Variants in GALNS observed in about 807,000 individuals in gnomAD.
GALNS encodes galactosamine (N-acetyl)-6-sulfatase.
A neutral mutation model predicts 65.9 loss-of-function variants in GALNS; 65 were observed. The observed-to-expected ratio is 0.99, with a 90% CI of 0.81 to 1.21. GALNS has a LOEUF of 1.21. Among genes scored for constraint, GALNS ranks in the 50% most tolerant of loss-of-function variants. GALNS has a pLI of 0.00. For missense variants in GALNS, 776 were observed against 700.7 expected (o/e 1.11, Z -1.21); for synonymous variants, 346 against 288.9 (o/e 1.20, Z -2.00).
At chr16:88,825,224 G>C (rs1245809076) in intron 10 of GALNS, among the ~76,000 whole-genome samples, 1 of 131,418 alleles carries the variant, frequency 7.6e-6, no homozygotes, top group Admixed American at 7.2e-5. Context: ...GGGCGCCTGG[G>C]TGTCTGGGGC....
chr16:88,839,671 C>A (rs909287117), intron 4 of GALNS, among the ~76,000 whole-genome samples: 2 of 152,234 alleles, frequency 1.3e-5, no homozygotes, highest in Non-Finnish European at 2.9e-5. Flanking sequence ...GCTGTAGGAC[C>A]CAGCCCGGGC....
rs1017951924 is a variant in GALNS, at chr16:88,839,942, C to G, written c.422+1050G>C. Among the ~76,000 whole-genome samples, 3 of 152,244 alleles carry G rather than the reference C, an allele frequency of 2.0e-5. No homozygotes were observed. The South Asian group carries it at 6.2e-4, about 31-fold the overall frequency. On this transcript the variant is annotated intron_variant, in intron 4 of 13. Coordinates refer to ENST00000268695, the MANE Select transcript of GALNS (RefSeq NM_000512.5). Reference sequence around the variant, plus strand: ...GGGGCTTGTCACTTGGAGAGGCCACCGGCTCTTCCTCCTGTTGGCACAGTA... The same window carrying G: ...GGGGCTTGTCACTTGGAGAGGCCACGGGCTCTTCCTCCTGTTGGCACAGTA...
intron 5 of GALNS, among the ~76,000 whole-genome samples, chr16:88,837,217 T>C: frequency 6.6e-6 from 1 of 152,204 alleles, no homozygotes. Context: ...CTTTTGCTCC[T>C]GGTGTGGCTC....
intron 9 of GALNS, among the ~76,000 whole-genome samples, chr16:88,828,147 C>T (rs965342325): frequency 6.6e-6 from 1 of 152,244 alleles, no homozygotes; most frequent in Admixed American, 6.5e-5. Flanking sequence ...CAGGTCTGGT[C>T]AGCAGTGTCT....
At chr16:88,839,030 G>C (rs1003749894) in intron 4 of GALNS, 1 of 153,904 alleles carries the variant, frequency 6.5e-6, no homozygotes, top group Non-Finnish European at 1.5e-5. Context: ...TTCAGCACTT[G>C]GGCCCATTGC....
In GALNS at chr16:88,835,703, G is replaced by A. The variant is rs78317153; in HGVS notation, c.758+22C>T. ...AGCTGGGGCCTCCAGCGAGGTCTATGCTCCATGGAGCCAGGACTCACCGCC... is the reference window on the plus strand; with the variant it reads ...AGCTGGGGCCTCCAGCGAGGTCTATACTCCATGGAGCCAGGACTCACCGCC... On this transcript the variant is annotated intron_variant, in intron 7 of 13. Transcript: ENST00000268695. 0.055 allele frequency: 88,789 copies of A among 1,613,532 alleles called. 2,915 individuals carry two copies. The highest frequency in any genetic ancestry group is 0.11 in the Middle Eastern group (675 of 6,062).
chr16:88,828,587 C>G (rs145946416), intron 9 of GALNS, among the ~76,000 whole-genome samples: 2 of 152,212 alleles, frequency 1.3e-5, no homozygotes, highest in African/African-American at 4.8e-5. Flanking sequence ...TTGTGGCCCA[C>G]GGGAAAAGGC....
At chr16:88,848,461 G>A (rs975131392) in intron 1 of GALNS, among the ~76,000 whole-genome samples, 1 of 151,776 alleles carries the variant, frequency 6.6e-6, no homozygotes, top group South Asian at 2.1e-4. Flanking sequence ...GTGAAACCCC[G>A]TCTCTACCAA....
At chr16:88,820,452 T>C (rs1910088491) in intron 12 of GALNS, among the ~76,000 whole-genome samples, 1 of 152,200 alleles carries the variant, frequency 6.6e-6, no homozygotes, top group Admixed American at 6.5e-5. Flanking sequence ...TTAGAGAGGC[T>C]CCTGGCAAAG....
chr16:88,824,699 T>A lies in GALNS; in HGVS notation c.1242+68A>T, dbSNP rs759455679. The A allele has an allele frequency of 7.0e-5, 93 of 1,327,630 alleles. No homozygotes were observed. The Middle Eastern group carries it at 8.3e-4, about 12-fold the overall frequency. 82.2% of individuals were successfully genotyped at this position (1,327,630 alleles called of 1,614,324 possible). A position where few individuals can be genotyped will look rare whatever the true frequency, so the allele number is the denominator to read the frequency against. On this transcript the variant is annotated intron_variant, in intron 11 of 13. Transcript: ENST00000268695. ...CCCTCCTGTGCCTCCCCCAGGACGG[T>A]GCTCAGGGGCCACGTCTGGATAGAG...
chr16:88,850,266 G>A (rs1457664928), intron 1 of GALNS, among the ~76,000 whole-genome samples: 2 of 152,174 alleles, frequency 1.3e-5, no homozygotes, highest in Non-Finnish European at 2.9e-5. Context: ...CCGCACATCT[G>A]AATACTGGGT....
rs945242016 is a variant in GALNS at position 88,815,976 on chromosome 16, CT to C, written c.1483-1452del. The C allele has an allele frequency of 3.0e-6, 3 of 985,270 alleles. No homozygotes were observed. In the African/African-American group the frequency reaches 5.2e-5, roughly 17 times the overall value. 61.0% of individuals were successfully genotyped at this position (985,270 alleles called of 1,614,324 possible). ...ACTGAGCCCCTCTCCTGGGGCTGGC[CT>C]GGAGTTGGCGGGGACAGAGGGCAGG... On this transcript the variant is annotated intron_variant, in intron 13 of 13. Transcript: ENST00000268695.
chr16:88,842,753 C>T lies in GALNS; in HGVS notation c.197G>A (p.Gly66Glu). Reference protein sequence around the residue: ...TPNLDRMAAEGLLFPNFYSAN... With the variant: ...TPNLDRMAAEELLFPNFYSAN... ...AGAATAGAAGTTTGGGAAAAGCAGC[C>T]CTTCTGCAGCCATCCGGTCCAAATT... Residue 66 changes from glycine to glutamate, a missense_variant, in exon 2 of 14, where the codon GGG becomes GAG. Gly to Glu is a moderately conservative substitution (Grantham distance 98, BLOSUM62 -2). Transcript: ENST00000268695. 1 of 1,612,998 alleles carries T rather than the reference C, an allele frequency of 6.2e-7. No homozygotes were observed.
chr16:88,842,110 C>T, intron 2 of GALNS, 139 bp from the exon 3 acceptor site: 1 of 776,022 alleles, frequency 1.3e-6, no homozygotes, highest in Non-Finnish European at 2.3e-6. Context: ...CCACGCCTGT[C>T]AATCCCCGTT....
At chr16:88,840,302 A>C (rs1000571810) in intron 4 of GALNS, 1 of 154,018 alleles carries the variant, frequency 6.5e-6, no homozygotes, top group African/African-American at 2.4e-5. Context: ...TGGGGATCAC[A>C]GAGGCTGGGA....
chr16:88,856,825 C>T lies in GALNS; in HGVS notation c.53G>A (p.Ser18Asn). The change falls in exon 1 of 14, where the codon AGC (serine) becomes AAC (asparagine). Residue 18 changes from serine (S) to asparagine (N), a missense_variant. By Grantham distance (46) the Ser-to-Asn change is conservative. Transcript: ENST00000268695. The stretch of plus-strand genomic sequence containing the variant: ...GCCCGAGGCCCCCATCCCCGCGGCG[C>T]TGAGCACCAGCAACAGCTGCCACCA... ...TRWWQLLLVLSAAGMGASGAP... is the reference protein window; with the variant it reads ...TRWWQLLLVLNAAGMGASGAP... 4 of 1,529,702 alleles carry T rather than the reference C, an allele frequency of 2.6e-6. No individual in the cohort carries two copies. The highest frequency in any genetic ancestry group is 2.6e-6 in the Non-Finnish European group (3 of 1,148,162). The allele number at this position is 1,529,702 out of a possible 1,614,324, so 94.8% of individuals were successfully genotyped here.
At chr16:88,826,572 T>C in intron 10 of GALNS, 130 bp downstream of exon 10, 1 of 1,148,026 alleles carries the variant, frequency 8.7e-7, no homozygotes, top group Non-Finnish European at 1.2e-6. Flanking sequence ...TGCCTCCTCC[T>C]GCCCTGGGCA....
At chr16:88,848,437 T>C (rs1445426321) in intron 1 of GALNS, among the ~76,000 whole-genome samples, 1 of 151,948 alleles carries the variant, frequency 6.6e-6, no homozygotes, top group Admixed American at 6.6e-5. Flanking sequence ...ATCGAGACCA[T>C]CCTTGCTAAC....
At chr16:88,825,488 CGGGGCTGGGGTGCCTGG>C (rs1910776869) in intron 10 of GALNS, among the ~76,000 whole-genome samples, 2 of 104,426 alleles carry the variant, frequency 1.9e-5, no homozygotes, top group Admixed American at 1.1e-4. Context: ...TCTGGGCGGC[CGGGGCTGGGGTGCCTGG>C]ATGTCTGGGG....
Sources: allele counts gnomAD v4.1 joint callset (sites outside exome capture counted in the v4.1 genomes callset), GRCh38; gene constraint gnomAD v4.1.1; transcripts MANE v1.5; gene names NCBI Gene and HGNC (gene_info 2026-07-23, HGNC 2026-07-21).